TRPM8: variants seen among roughly 807,000 people sequenced by gnomAD.
TRPM8 encodes the protein transient receptor potential cation channel subfamily M member 8, also known as TRPM8 cationic channel.
A neutral mutation model predicts 133.7 loss-of-function variants in TRPM8; 110 were observed. The ratio of observed to expected loss-of-function variants is 0.82; its 90% confidence interval spans 0.70 to 0.96. The LOEUF (loss-of-function observed/expected upper bound fraction) is 0.96. Ranked by LOEUF, TRPM8 falls within the 40% of genes least tolerant of loss-of-function variation. TRPM8 has a pLI of 0.00. For missense variants in TRPM8, 1,291 were observed against 1,379.5 expected, an observed-to-expected ratio of 0.94 and a Z score of 1.02; for synonymous variants, 535 against 532.3, an observed-to-expected ratio of 1.01 and a Z score of -0.07.
intron 3 of TRPM8, among the ~76,000 whole-genome samples, chr2:233,931,775 C>A (rs11563061): frequency 5.3e-5 from 8 of 152,316 alleles, no homozygotes; most frequent in African/African-American, 1.9e-4. Context: ...TAAAAACATA[C>A]GCATCATGAG....
At chr2:233,977,067 T>C (rs1302701105) in intron 17 of TRPM8, among the ~76,000 whole-genome samples, 1 of 152,164 alleles carries the variant, frequency 6.6e-6, no homozygotes, top group East Asian at 1.9e-4. Flanking sequence ...TGTCAAAAAG[T>C]CATGCTCTTC....
intron 17 of TRPM8, among the ~76,000 whole-genome samples, chr2:233,974,934 G>GA (rs1181417505): frequency 6.6e-6 from 1 of 152,058 alleles, no homozygotes; most frequent in African/African-American, 2.4e-5. Context: ...TGGGGAGGGA[G>GA]AAAAAACCAT....
chr2:233,937,685 T>C (rs944712820), intron 4 of TRPM8, among the ~76,000 whole-genome samples, 176 bp downstream of exon 4: 1 of 152,180 alleles, frequency 6.6e-6, no homozygotes, highest in South Asian at 2.1e-4. Flanking sequence ...TATTAGGCTA[T>C]GCTCAACAGG....
chr2:234,001,844 C>T (rs1003923298), intron 22 of TRPM8, among the ~76,000 whole-genome samples: 2 of 152,040 alleles, frequency 1.3e-5, no homozygotes, highest in Non-Finnish European at 2.9e-5. Flanking sequence ...GGAGAGCCTG[C>T]GATGCAGTGA....
rs1485404121 is a variant in TRPM8, at chr2:233,930,691, A to C, written c.141A>C (p.Ala47=). Residue 47 remains alanine, a synonymous_variant, in exon 3 of 26, where the codon GCA becomes GCC. Coordinates refer to ENST00000324695, the MANE Select transcript of TRPM8 (RefSeq NM_024080.5). ...AGGACTTGGTGAATTTTATTCAAGC[A>C]AATTTTAAGAAACGAGAATGTGTCT... The part of the protein sequence containing the change: ...SESDLVNFIQ[A]NFKKRECVFF... 1 of 1,609,584 alleles carries C rather than the reference A, an allele frequency of 6.2e-7. No homozygotes were observed. The highest frequency in any genetic ancestry group is 8.5e-7 in the Non-Finnish European group (1 of 1,176,766).
At chr2:233,964,045 A>G in intron 13 of TRPM8, among the ~76,000 whole-genome samples, 1 of 152,110 alleles carries the variant, frequency 6.6e-6, no homozygotes, top group East Asian at 1.9e-4. Context: ...TCAGGTTCCA[A>G]GTTATTTTGT....
At chr2:233,943,620 AC>A (rs1690971131) in intron 6 of TRPM8, among the ~76,000 whole-genome samples, 1 of 151,586 alleles carries the variant, frequency 6.6e-6, no homozygotes, top group Admixed American at 6.6e-5. Context: ...TGAGACAACC[AC>A]CCCCCGCCCC....
intron 10 of TRPM8, among the ~76,000 whole-genome samples, chr2:233,954,612 G>A (rs1348421554): frequency 6.6e-6 from 1 of 152,150 alleles, no homozygotes; most frequent in Non-Finnish European, 1.5e-5. Flanking sequence ...CAGGCACGTT[G>A]GAAGTGCATT....
At chr2:233,991,076 G>GATCA (rs1157201061) in intron 21 of TRPM8, among the ~76,000 whole-genome samples, 4 of 152,126 alleles carry the variant, frequency 2.6e-5, no homozygotes, top group Admixed American at 2.6e-4. Flanking sequence ...AGAGCCCCAA[G>GATCA]TGTTGGTAGG....
rs1692223133 is a variant in TRPM8, at chr2:233,989,471, G to T, written c.2939+3606G>T. The stretch of plus-strand genomic sequence containing the variant: ...CGGCTTAAACCAGAGGCCTTTTCCT[G>T]GCTAATACCTGTCTGGGGACACCAG... On this transcript the variant is annotated intron_variant, in intron 21 of 25. Transcript: ENST00000324695. The surrounding 1 kb of genome is among the most constrained non-coding windows in gnomAD (Gnocchi z 4.2). Among the ~76,000 whole-genome samples, 1 of 152,146 alleles carries T rather than the reference G, an allele frequency of 6.6e-6. No homozygotes were observed. The highest frequency in any genetic ancestry group is 6.5e-5 in the Admixed American group (1 of 15,268).
intron 20 of TRPM8, among the ~76,000 whole-genome samples, chr2:233,984,275 G>A (rs1692086509): frequency 6.6e-6 from 1 of 152,154 alleles, no homozygotes; most frequent in African/African-American, 2.4e-5. Context: ...CCCCACACAT[G>A]CTCAGATGAG....
At chr2:233,974,626 G>A (rs1437368838) in intron 17 of TRPM8, among the ~76,000 whole-genome samples, 2 of 152,210 alleles carry the variant, frequency 1.3e-5, no homozygotes. Context: ...TTCCTGGAGA[G>A]GCAGCTGGAC....
chr2:233,927,767 TTTCTTTCTTTCTTTCTTTC>T (rs1426891460), intron 2 of TRPM8, among the ~76,000 whole-genome samples: 2 of 67,442 alleles, frequency 3.0e-5, no homozygotes, highest in Non-Finnish European at 4.6e-5. Context: ...TCTTTCTTTC[TTTCTTTCTTTCTTTCTTTC>T]TTTCTTTTCT....
chr2:233,979,070 T>C (rs1455363202), intron 17 of TRPM8, among the ~76,000 whole-genome samples: 6 of 152,196 alleles, frequency 3.9e-5, no homozygotes, highest in Non-Finnish European at 7.4e-5. Flanking sequence ...TTAGCCTCTC[T>C]AGGCTGTGAT....
At chr2:234,005,927 TAC>T (rs35379195) in intron 22 of TRPM8, among the ~76,000 whole-genome samples, 1,762 of 135,964 alleles carry the variant, frequency 0.013, 21 homozygotes, top group African/African-American at 0.023. Flanking sequence ...AAACGTCATC[TAC>T]ACACACACAC....
intron 21 of TRPM8, among the ~76,000 whole-genome samples, chr2:233,993,444 T>G (rs949329276): frequency 6.6e-6 from 1 of 152,184 alleles, no homozygotes; most frequent in African/African-American, 2.4e-5. Flanking sequence ...GATCACAGAC[T>G]TTCTCTGTAA....
At chr2:233,965,264 C>T (rs1396267266) in intron 14 of TRPM8, among the ~76,000 whole-genome samples, 1 of 152,150 alleles carries the variant, frequency 6.6e-6, no homozygotes, top group African/African-American at 2.4e-5. Context: ...GCCTCGGTTC[C>T]CAAGGGGTAA....
chr2:233,933,880 A>G (rs1691729887), intron 3 of TRPM8: 1 of 167,176 alleles, frequency 6.0e-6, no homozygotes, highest in South Asian at 2.1e-4. Flanking sequence ...AGAGAGGGCT[A>G]AGAACATTGT....
chr2:233,987,527 A>C (rs1574764835), intron 21 of TRPM8, among the ~76,000 whole-genome samples: 1 of 152,212 alleles, frequency 6.6e-6, no homozygotes, highest in Non-Finnish European at 1.5e-5. Context: ...GTGGAAGCAC[A>C]TACCTCTGGG....
Sources: gnomAD v4.1 joint callset for allele counts (sites outside exome capture counted in the v4.1 genomes callset) on GRCh38, gnomAD v4.1.1 for gene constraint, Gnocchi (gnomAD v3.1) non-coding constraint, MANE v1.5 for transcripts, NCBI Gene and HGNC (gene_info 2026-07-23, HGNC 2026-07-21) for gene names.